Variants in CDIN1 observed in about 807,000 individuals in gnomAD.
CDIN1 encodes CDAN1 interacting nuclease 1.
Under a neutral mutation model 45.3 loss-of-function variants are expected in CDIN1, and 33 were observed. The observed-to-expected ratio is 0.73, with a 90% CI of 0.55 to 0.97. The LOEUF (loss-of-function observed/expected upper bound fraction) is 0.97. CDIN1 is among the 50% of genes least tolerant of loss of function. The pLI, the probability that CDIN1 is intolerant of heterozygous loss-of-function variation, is 0.00. For synonymous variants in CDIN1, 118 were observed against 124.4 expected (o/e 0.95, Z 0.34); for missense variants, 303 against 339.4 (o/e 0.89, Z 0.84).
chr15:36,779,346 A>G (rs2054295008), intron 10 of CDIN1, among the ~76,000 whole-genome samples: 1 of 152,162 alleles, frequency 6.6e-6, no homozygotes, highest in South Asian at 2.1e-4. Flanking sequence ...TTCAGTAAAG[A>G]TCAACTCACA....
intron 10 of CDIN1, among the ~76,000 whole-genome samples, chr15:36,746,266 TG>T (rs1827049818): frequency 6.6e-6 from 1 of 152,126 alleles, no homozygotes; most frequent in African/African-American, 2.4e-5. Flanking sequence ...TTGTCTGTAT[TG>T]GGGAGTGGAA....
intron 5 of CDIN1, among the ~76,000 whole-genome samples, chr15:36,671,230 C>T (rs149389927): frequency 6.6e-6 from 1 of 152,208 alleles, no homozygotes; most frequent in Admixed American, 6.5e-5. Context: ...GAAGTAGCTG[C>T]ACCAGTCACG....
At chr15:36,650,120 T>C (rs2040510990) in intron 3 of CDIN1, among the ~76,000 whole-genome samples, 1 of 152,220 alleles carries the variant, frequency 6.6e-6, no homozygotes, top group South Asian at 2.1e-4. Flanking sequence ...GCCAGTGTGC[T>C]GGGAGAAGGG....
chr15:36,640,709 G>T, intron 1 of CDIN1: 1 of 905,290 alleles, frequency 1.1e-6, no homozygotes. Flanking sequence ...CCTTACCCTT[G>T]CATGAATGTT....
intron 1 of CDIN1, among the ~76,000 whole-genome samples, chr15:36,638,577 C>T (rs1466601492): frequency 3.3e-5 from 5 of 152,148 alleles, no homozygotes; most frequent in African/African-American, 9.7e-5. Context: ...ACCTTTGCTG[C>T]AGGGAGAATA....
intron 1 of CDIN1, among the ~76,000 whole-genome samples, chr15:36,620,528 C>T (rs2039134814): frequency 6.6e-6 from 1 of 152,032 alleles, no homozygotes; most frequent in Admixed American, 6.6e-5. Context: ...TGCCCATCCC[C>T]AAAAGCAAAA....
At chr15:36,681,889 A>G (rs2041862057) in intron 5 of CDIN1, among the ~76,000 whole-genome samples, 1 of 152,232 alleles carries the variant, frequency 6.6e-6, no homozygotes, top group Non-Finnish European at 1.5e-5. Context: ...GAAAGAACTA[A>G]TAAATGAAAT....
At chr15:36,667,038 G>C (rs1023183905) in intron 5 of CDIN1, among the ~76,000 whole-genome samples, 3 of 152,142 alleles carry the variant, frequency 2.0e-5, no homozygotes, top group Non-Finnish European at 4.4e-5. Context: ...GTGACAATGT[G>C]ATTCCAGAGC....
intron 10 of CDIN1, among the ~76,000 whole-genome samples, chr15:36,771,983 T>C (rs1341231153): frequency 6.6e-6 from 1 of 151,718 alleles, no homozygotes; most frequent in Non-Finnish European, 1.5e-5. Context: ...AGCAACTGAC[T>C]GAATTCTGTA....
At chr15:36,727,330 T>A (rs1212154844) in intron 10 of CDIN1, among the ~76,000 whole-genome samples, 1 of 145,590 alleles carries the variant, frequency 6.9e-6, no homozygotes, top group Non-Finnish European at 1.5e-5. Flanking sequence ...AAAGCTCATC[T>A]TTTTTCTTAA....
chr15:36,694,050 A>AT (rs2042339500), intron 7 of CDIN1, among the ~76,000 whole-genome samples: 2 of 152,164 alleles, frequency 1.3e-5, no homozygotes, highest in African/African-American at 4.8e-5. Context: ...AAAACTACAG[A>AT]TTTTATAAGT....
At chr15:36,653,271 A>G (rs896604133) in intron 3 of CDIN1, among the ~76,000 whole-genome samples, 15 of 152,120 alleles carry the variant, frequency 9.9e-5, no homozygotes, top group Admixed American at 9.8e-4. Flanking sequence ...TTGAATCATG[A>G]GTTATCCAGG....
intron 5 of CDIN1, among the ~76,000 whole-genome samples, chr15:36,664,579 G>A (rs938058060): frequency 4.0e-5 from 6 of 151,676 alleles, no homozygotes; most frequent in Admixed American, 3.3e-4. Context: ...ACGGAGTCTC[G>A]CTCTGTCGCC....
chr15:36,709,566 C>T (rs889506954), intron 9 of CDIN1, among the ~76,000 whole-genome samples: 8 of 152,082 alleles, frequency 5.3e-5, no homozygotes, highest in African/African-American at 7.2e-5. Flanking sequence ...CTTGAAAAGC[C>T]AGACTCATTT....
intron 1 of CDIN1, among the ~76,000 whole-genome samples, chr15:36,603,768 C>T (rs2038223229): frequency 6.6e-6 from 1 of 152,078 alleles, no homozygotes; most frequent in African/African-American, 2.4e-5. Context: ...CTACAAAAGG[C>T]TGAGTAAAAC....
intron 7 of CDIN1, among the ~76,000 whole-genome samples, chr15:36,695,857 A>G (rs558815555): frequency 1.3e-5 from 2 of 151,964 alleles, no homozygotes; most frequent in East Asian, 3.9e-4. Context: ...AAAAAAAAAG[A>G]GGCGGGGGAC....
intron 3 of CDIN1, among the ~76,000 whole-genome samples, chr15:36,646,567 A>G (rs990774649): frequency 6.6e-6 from 1 of 152,230 alleles, no homozygotes; most frequent in African/African-American, 2.4e-5. Context: ...AGCCTAAATT[A>G]TACATATGAA....
intron 1 of CDIN1, among the ~76,000 whole-genome samples, chr15:36,643,408 A>G (rs979918321): frequency 3.3e-5 from 5 of 152,232 alleles, no homozygotes; most frequent in Non-Finnish European, 7.3e-5. Context: ...GGCATACTAT[A>G]AAAGTCGAAT....
At chr15:36,758,588 A>G (rs1343542328) in intron 10 of CDIN1, among the ~76,000 whole-genome samples, 2 of 152,244 alleles carry the variant, frequency 1.3e-5, no homozygotes, top group East Asian at 1.9e-4. Context: ...CTTCACCACC[A>G]TCACTCCAGA....
Sources: allele counts gnomAD v4.1 joint callset (sites outside exome capture counted in the v4.1 genomes callset), GRCh38; gene constraint gnomAD v4.1.1; transcripts MANE v1.5; gene names NCBI Gene and HGNC (gene_info 2026-07-23, HGNC 2026-07-21).